Variants in KIRREL3 observed in about 807,000 individuals in gnomAD.
KIRREL3 encodes kin of IRRE-like protein 3.
KIRREL3 carries 36 observed loss-of-function variants against 89.7 expected under a neutral mutation model. The observed-to-expected ratio is 0.40, with a 90% CI of 0.31 to 0.53. KIRREL3 has a LOEUF of 0.53. KIRREL3 is among the 20% of genes least tolerant of loss of function. KIRREL3 has a pLI of 0.49. For missense variants in KIRREL3, 864 were observed against 1,056.6 expected (o/e 0.82, Z 2.53); for synonymous variants, 445 against 441.4 (o/e 1.01, Z -0.10).
Position 126,872,820 on chromosome 11 carries a change from A to C in KIRREL3, c.55+127635T>G, listed in dbSNP as rs1945152429. Among the ~76,000 whole-genome samples the C allele has an allele frequency of 1.3e-5, 2 of 152,050 alleles. No homozygotes were observed. Among genetic ancestry groups the C allele is most frequent in the Admixed American group, 1.3e-4 (2 of 15,282 alleles). ...TCCATAGTGTGTTGAATAATACCCC[A>C]TGACAACTGGGGTTTGAAAGGTAGC... On this transcript the variant is annotated intron_variant, in intron 1 of 16. Coordinates refer to ENST00000525144, the MANE Select transcript of KIRREL3 (RefSeq NM_032531.4). The surrounding 1 kb of genome is among the most constrained non-coding windows in gnomAD (Gnocchi z 4.2).
Position 126,965,811 on chromosome 11 carries a change from C to T in KIRREL3, c.55+34644G>A, listed in dbSNP as rs1162943778. ...AGAGTGAGTGCTTCCAGAGTGCCAG[C>T]GATGATAGCCAGACAGGTGACAGAA... On this transcript the variant is annotated intron_variant, in intron 1 of 16. Coordinates refer to ENST00000525144, the MANE Select transcript of KIRREL3 (RefSeq NM_032531.4). The surrounding 1 kb of genome is among the most constrained non-coding windows in gnomAD (Gnocchi z 4.4). 2.6e-5 allele frequency among the ~76,000 whole-genome samples: 4 copies of T among 152,112 alleles called. No individual in the cohort carries two copies. Among genetic ancestry groups the T allele is most frequent in the East Asian group, 1.9e-4 (1 of 5,192 alleles).
Position 126,906,962 on chromosome 11 carries a change from G to A in KIRREL3, c.55+93493C>T, listed in dbSNP as rs768895271. Among the ~76,000 whole-genome samples the A allele has an allele frequency of 9.0e-4, 137 of 152,310 alleles. No homozygotes were observed. Among genetic ancestry groups the A allele is most frequent in the Admixed American group, 2.2e-3 (33 of 15,304 alleles). ...TTCATTGTTTAGATATTGAAAGACA[G>A]GAGGGAAGCAGACCTAGGAAGGAAT... On this transcript the variant is annotated intron_variant, in intron 1 of 16. Transcript: ENST00000525144. This position sits in a 1 kb window ranked among gnomAD's most constrained non-coding sequence, Gnocchi z 4.1.
chr11:126,915,868 T>C (rs909068941), intron 1 of KIRREL3, among the ~76,000 whole-genome samples: 2 of 152,116 alleles, frequency 1.3e-5, no homozygotes, highest in Non-Finnish European at 2.9e-5. Context: ...TTGAAATGGG[T>C]CACATAACCA....
intron 1 of KIRREL3, among the ~76,000 whole-genome samples, chr11:126,847,940 A>T (rs1592217558): frequency 6.6e-6 from 1 of 152,208 alleles, no homozygotes; most frequent in Non-Finnish European, 1.5e-5. Flanking sequence ...TGGTTATTTT[A>T]CCATGTCTCT....
rs530702611 is a variant in KIRREL3, at chr11:126,528,075, G to A, written c.134-1388C>T. The stretch of plus-strand genomic sequence containing the variant: ...CAGAGAGGCACAGTAACCTGCCCAA[G>A]GTCACGCAGCTAATGAGTGTTAGAG... On this transcript the variant is annotated intron_variant, in intron 2 of 16. Coordinates refer to ENST00000525144, the MANE Select transcript of KIRREL3 (RefSeq NM_032531.4). This position sits in a 1 kb window ranked among gnomAD's most constrained non-coding sequence, Gnocchi z 4.6. Among the ~76,000 whole-genome samples the A allele has an allele frequency of 2.0e-5, 3 of 152,334 alleles. No individual in the cohort carries two copies. The highest frequency in any genetic ancestry group is 3.9e-4 in the East Asian group (2 of 5,190).
chr11:126,659,417 A>G (rs773318324), intron 1 of KIRREL3, among the ~76,000 whole-genome samples: 1 of 152,212 alleles, frequency 6.6e-6, no homozygotes, highest in Non-Finnish European at 1.5e-5. Flanking sequence ...TCATCTAAGA[A>G]GCCTGCGACT....
In KIRREL3 at chr11:126,656,891, G is replaced by C. The variant is rs1591892842; in HGVS notation, c.56-93979C>G. Reference sequence around the variant, plus strand: ...TCGTGGTGGGACCCCGTCTCTACTAGGAATACAGGGGTTGGCTGGGCATGG... The same window carrying C: ...TCGTGGTGGGACCCCGTCTCTACTACGAATACAGGGGTTGGCTGGGCATGG... On this transcript the variant is annotated intron_variant, in intron 1 of 16. Transcript: ENST00000525144. This position sits in a 1 kb window ranked among gnomAD's most constrained non-coding sequence, Gnocchi z 4.0. 6.6e-6 allele frequency among the ~76,000 whole-genome samples: 1 copy of C among 152,022 alleles called. No homozygotes were observed. The highest frequency in any genetic ancestry group is 2.4e-5 in the African/African-American group (1 of 41,402).
chr11:126,786,677 C>G (rs2134345337), intron 1 of KIRREL3, among the ~76,000 whole-genome samples: 1 of 152,328 alleles, frequency 6.6e-6, no homozygotes, highest in East Asian at 1.9e-4. Flanking sequence ...TTGAGGAAAA[C>G]AGGCCAACTC....
rs1317037547 is a variant in KIRREL3 at position 126,892,925 on chromosome 11, G to A, written c.55+107530C>T. Among the ~76,000 whole-genome samples the A allele has an allele frequency of 2.0e-5, 3 of 152,178 alleles. No homozygotes were observed. Among genetic ancestry groups the A allele is most frequent in the Non-Finnish European group, 4.4e-5 (3 of 68,038 alleles). ...TGCCTGGCATCCCTGCTGCAGAATC[G>A]GGCTAGGATAGGGCTGAGTATTCTA... On this transcript the variant is annotated intron_variant, in intron 1 of 16. Coordinates refer to ENST00000525144, the MANE Select transcript of KIRREL3 (RefSeq NM_032531.4). This position sits in a 1 kb window ranked among gnomAD's most constrained non-coding sequence, Gnocchi z 5.4.
chr11:126,735,286 T>G (rs114485086), intron 1 of KIRREL3, among the ~76,000 whole-genome samples: 2,143 of 152,238 alleles, frequency 0.014, 46 homozygotes, highest in African/African-American at 0.045. Flanking sequence ...TGAATCCACG[T>G]TTGACGAGTA....
At chr11:126,886,961 A>AG (rs1473931360) in intron 1 of KIRREL3, among the ~76,000 whole-genome samples, 1 of 151,500 alleles carries the variant, frequency 6.6e-6, no homozygotes, top group African/African-American at 2.4e-5. Flanking sequence ...CATTCAAGAA[A>AG]AAAGGATAAT....
intron 1 of KIRREL3, among the ~76,000 whole-genome samples, chr11:126,661,427 G>T (rs1022845993): frequency 1.3e-5 from 2 of 152,222 alleles, no homozygotes; most frequent in African/African-American, 4.8e-5. Context: ...AATCACCTGG[G>T]CTGAAGGATA....
rs1201520482 is a variant in KIRREL3 at position 126,906,101 on chromosome 11, C to T, written c.55+94354G>A. Among the ~76,000 whole-genome samples the T allele has an allele frequency of 6.6e-6, 1 of 152,206 alleles. No individual in the cohort carries two copies. Among genetic ancestry groups the T allele is most frequent in the Non-Finnish European group, 1.5e-5 (1 of 68,038 alleles). On this transcript the variant is annotated intron_variant, in intron 1 of 16. Coordinates refer to ENST00000525144, the MANE Select transcript of KIRREL3 (RefSeq NM_032531.4). The surrounding 1 kb of genome is among the most constrained non-coding windows in gnomAD (Gnocchi z 4.1). ...GCCCCAGGCTCCAATCACACTGCAG[C>T]AGGAGCACACTCCAGCCCATCCTGC...
At position 126,870,406 on chromosome 11, in the gene KIRREL3, T is replaced by C. The variant is rs1945069939; in HGVS notation, c.55+130049A>G. 6.6e-6 allele frequency among the ~76,000 whole-genome samples: 1 copy of C among 152,204 alleles called. No homozygotes were observed. The highest frequency in any genetic ancestry group is 2.1e-4 in the South Asian group (1 of 4,830). On this transcript the variant is annotated intron_variant, in intron 1 of 16. Transcript: ENST00000525144. This position sits in a 1 kb window ranked among gnomAD's most constrained non-coding sequence, Gnocchi z 4.4. ...CCATCCAGTCAAGTGGCTCGCCACTTAGGTCTGAACCAAAGAGCTAAACAG... is the reference window on the plus strand; with the variant it reads ...CCATCCAGTCAAGTGGCTCGCCACTCAGGTCTGAACCAAAGAGCTAAACAG...
chr11:126,741,383 C>T (rs947860454), intron 1 of KIRREL3, among the ~76,000 whole-genome samples: 1 of 152,196 alleles, frequency 6.6e-6, no homozygotes, highest in Non-Finnish European at 1.5e-5. Context: ...AGTCTGTTGG[C>T]TCCCGTGGGG....
In KIRREL3 at chr11:126,739,864, G is replaced by A. The variant is rs1168965388; in HGVS notation, c.56-176952C>T. Among the ~76,000 whole-genome samples the A allele has an allele frequency of 6.6e-6, 1 of 152,216 alleles. No homozygotes were observed. The highest frequency in any genetic ancestry group is 2.4e-5 in the African/African-American group (1 of 41,444). On this transcript the variant is annotated intron_variant, in intron 1 of 16. Coordinates refer to ENST00000525144, the MANE Select transcript of KIRREL3 (RefSeq NM_032531.4). This position sits in a 1 kb window ranked among gnomAD's most constrained non-coding sequence, Gnocchi z 5.5. Reference sequence around the variant, plus strand: ...TGCCAGAGCTGAGGGGATTGGGCAAGAAGGAGCACTTAGAATTTTGACACT... The same window carrying A: ...TGCCAGAGCTGAGGGGATTGGGCAAAAAGGAGCACTTAGAATTTTGACACT...
chr11:126,509,696 A>G (rs760874245), intron 4 of KIRREL3, among the ~76,000 whole-genome samples: 12 of 152,118 alleles, frequency 7.9e-5, no homozygotes, highest in Non-Finnish European at 1.5e-4. Context: ...GCACCAACAT[A>G]TCTCAGCACT....
rs1239066417 is a variant in KIRREL3, at chr11:126,569,723, T to C, written c.56-6811A>G. Among the ~76,000 whole-genome samples, 4 of 152,202 alleles carry C rather than the reference T, an allele frequency of 2.6e-5. No individual in the cohort carries two copies. Among genetic ancestry groups the C allele is most frequent in the African/African-American group, 4.8e-5 (2 of 41,450 alleles). On this transcript the variant is annotated intron_variant, in intron 1 of 16. Coordinates refer to ENST00000525144, the MANE Select transcript of KIRREL3 (RefSeq NM_032531.4). This position sits in a 1 kb window ranked among gnomAD's most constrained non-coding sequence, Gnocchi z 6.5. ...CCAGGAGGAAAAGACAGCTTCAGGC[T>C]GTGGGATGGTGAGGGAGGTCCTTGC...
intron 1 of KIRREL3, among the ~76,000 whole-genome samples, chr11:126,626,970 A>G (rs1943813797): frequency 6.6e-6 from 1 of 151,812 alleles, no homozygotes; most frequent in African/African-American, 2.4e-5. Flanking sequence ...ATTGCACTCC[A>G]GCCTGGGCCA....
Sources: allele counts gnomAD v4.1 joint callset (sites outside exome capture counted in the v4.1 genomes callset), GRCh38; gene constraint gnomAD v4.1.1; non-coding constraint Gnocchi (gnomAD v3.1); transcripts MANE v1.5; gene names NCBI Gene and HGNC (gene_info 2026-07-23, HGNC 2026-07-21).